Variants in PAM observed in about 807,000 individuals in gnomAD.
PAM encodes peptidyl-glycine alpha-amidating monooxygenase.
A neutral mutation model predicts 122.1 loss-of-function variants in PAM; 72 were observed. The observed-to-expected ratio is 0.59, with a 90% CI of 0.49 to 0.72. The LOEUF is 0.72. PAM is among the 30% of genes least tolerant of loss of function. The pLI, the probability that PAM is intolerant of heterozygous loss-of-function variation, is 0.00. For synonymous variants in PAM, 389 were observed against 404.4 expected, an observed-to-expected ratio of 0.96 and a Z score of 0.46; for missense variants, 1,106 against 1,183.7, an observed-to-expected ratio of 0.93 and a Z score of 0.96.
At chr5:102,806,610 G>C (rs1766299254) in intron 1 of PAM, among the ~76,000 whole-genome samples, 1 of 152,138 alleles carries the variant, frequency 6.6e-6, no homozygotes, top group Admixed American at 6.5e-5. Flanking sequence ...CACACACAGA[G>C]TTTTGTACTG....
At chr5:102,968,510 A>C (rs558331031) in intron 14 of PAM, among the ~76,000 whole-genome samples, 1 of 152,346 alleles carries the variant, frequency 6.6e-6, no homozygotes, top group African/African-American at 2.4e-5. Context: ...CTCTCAAGAA[A>C]TTTTAGCTGC....
At position 102,833,031 on chromosome 5, in the gene PAM, G is replaced by A. The variant is rs1242064685; in HGVS notation, c.-373-32792G>A. Among the ~76,000 whole-genome samples the A allele has an allele frequency of 3.9e-5, 6 of 152,118 alleles. No homozygotes were observed. In the East Asian group the frequency reaches 1.2e-3, roughly 29 times the overall value. On this transcript the variant is annotated intron_variant, in intron 1 of 25. Transcript: ENST00000438793. ...ATTAGAAAGATTAAAAGAAAAATAG[G>A]TTTAAAAATTGAGTAATTTGCCTGA...
In PAM at chr5:102,916,879, C is replaced by A. The variant is rs549456755; in HGVS notation, c.356+2858C>A. On this transcript the variant is annotated intron_variant, in intron 5 of 25. Transcript: ENST00000438793. ...TCCTCAGTAGTTGGGACTACAGGCG[C>A]GTGCCACCATGCCCAACTAATTTTT... Among the ~76,000 whole-genome samples the A allele has an allele frequency of 1.3e-5, 2 of 151,360 alleles. 1 individual carries two copies. The highest frequency in any genetic ancestry group is 4.2e-4 in the South Asian group (2 of 4,806).
At chr5:102,878,588 G>C (rs1424544518) in intron 3 of PAM, among the ~76,000 whole-genome samples, 1 of 152,166 alleles carries the variant, frequency 6.6e-6, no homozygotes, top group Non-Finnish European at 1.5e-5. Context: ...GGAGGTGACA[G>C]CTCCATGCAT....
intron 1 of PAM, among the ~76,000 whole-genome samples, chr5:102,855,970 G>A (rs892834316): frequency 5.3e-5 from 8 of 152,192 alleles, no homozygotes; most frequent in African/African-American, 1.4e-4. Flanking sequence ...ACCTAAATCA[G>A]TGGGTCAATC....
At chr5:102,827,367 G>T (rs1773959451) in intron 1 of PAM, among the ~76,000 whole-genome samples, 1 of 152,062 alleles carries the variant, frequency 6.6e-6, no homozygotes, top group Admixed American at 6.6e-5. Flanking sequence ...ACATTTTCTT[G>T]ATAAAGGATA....
chr5:102,951,282 C>T (rs1402443756), intron 12 of PAM, among the ~76,000 whole-genome samples: 6 of 151,874 alleles, frequency 4.0e-5, no homozygotes, highest in Admixed American at 6.6e-5. Context: ...TAATAATATG[C>T]AACACTTTAT....
intron 1 of PAM, among the ~76,000 whole-genome samples, chr5:102,781,467 C>A (rs1758922837): frequency 6.6e-6 from 1 of 152,150 alleles, no homozygotes; most frequent in Non-Finnish European, 1.5e-5. Context: ...CAGTGGGTAC[C>A]TTCTCATTTT....
At chr5:102,895,376 A>G (rs894632440) in intron 3 of PAM, among the ~76,000 whole-genome samples, 1 of 151,776 alleles carries the variant, frequency 6.6e-6, no homozygotes, top group African/African-American at 2.4e-5. Context: ...GGCAGAGACT[A>G]TGTATACTTT....
At chr5:102,931,676 G>C (rs1197846342) in intron 7 of PAM, among the ~76,000 whole-genome samples, 6 of 152,052 alleles carry the variant, frequency 3.9e-5, no homozygotes, top group Non-Finnish European at 8.8e-5. Flanking sequence ...TGAAGGTCAG[G>C]GTCTCTTCCC....
chr5:102,961,198 A>G lies in PAM; in HGVS notation c.1131A>G (p.Pro377=), dbSNP rs757142063. Residue 377 remains proline, a synonymous_variant, in exon 14 of 26, where the codon CCA becomes CCG. Transcript: ENST00000438793. ...YKDKIPLLQQ[P]KREEEEVLDQ... ...ATAAGATTCCTTTACTACAGCAGCC[A>G]AAACGAGAAGAAGAAGAAGTGTTAG... is the stretch of plus-strand genomic sequence containing the variant. 3 of 1,582,024 alleles carry G rather than the reference A, an allele frequency of 1.9e-6. No individual in the cohort carries two copies. Among genetic ancestry groups the G allele is most frequent in the Admixed American group, 1.7e-5 (1 of 59,824 alleles).
At chr5:103,012,943 T>C (rs1009272055) in intron 21 of PAM, among the ~76,000 whole-genome samples, 11 of 152,194 alleles carry the variant, frequency 7.2e-5, no homozygotes, top group Admixed American at 6.5e-5. Context: ...TGTGTCTGTT[T>C]TTATGGCAGT....
At position 102,859,757 on chromosome 5, in the gene PAM, C is replaced by T. The variant is rs548477168; in HGVS notation, c.-373-6066C>T. The stretch of plus-strand genomic sequence containing the variant: ...GTCCTGAAGCTCCATTTATAAGTGC[C>T]GTATACAAATGTACCATTTCTTATC... On this transcript the variant is annotated intron_variant, in intron 1 of 25. Coordinates refer to ENST00000438793, the MANE Select transcript of PAM (RefSeq NM_001177306.2). Among the ~76,000 whole-genome samples, 55 of 152,198 alleles carry T rather than the reference C, an allele frequency of 3.6e-4. No homozygotes were observed. The South Asian group carries it at 0.011, about 30-fold the overall frequency.
chr5:103,019,658 T>G (rs1294779876), intron 22 of PAM, 132 bp from the exon 23 acceptor site: 1 of 668,784 alleles, frequency 1.5e-6, no homozygotes, highest in African/African-American at 1.8e-5. Flanking sequence ...ATTGAACTCT[T>G]TCCTAATATA....
chr5:103,025,047 A>C, intron 23 of PAM, 84 bp from the exon 24 acceptor site: 2 of 899,470 alleles, frequency 2.2e-6, no homozygotes, highest in Non-Finnish European at 3.5e-6. Flanking sequence ...GTGAACAGTT[A>C]TTGATTTGAC....
intron 1 of PAM, chr5:102,864,672 C>T (rs576323470): frequency 1.3e-5 from 2 of 152,270 alleles, no homozygotes; most frequent in South Asian, 4.1e-4. Flanking sequence ...TACTGTGAAA[C>T]ATTCCGATAT....
chr5:102,993,663 A>G (rs562028829), intron 16 of PAM, among the ~76,000 whole-genome samples: 1 of 152,266 alleles, frequency 6.6e-6, no homozygotes, highest in Admixed American at 6.5e-5. Context: ...ACTTCAAGGA[A>G]TATAGTAGCC....
chr5:102,800,419 T>C (rs1415742058), intron 1 of PAM, among the ~76,000 whole-genome samples: 2 of 152,202 alleles, frequency 1.3e-5, no homozygotes, highest in Non-Finnish European at 2.9e-5. Flanking sequence ...CCTCTCACTC[T>C]AAAATACAAG....
At chr5:102,834,869 C>T (rs1056951737) in intron 1 of PAM, among the ~76,000 whole-genome samples, 5 of 149,024 alleles carry the variant, frequency 3.4e-5, no homozygotes, top group South Asian at 2.1e-4. Context: ...AAGGTACCAA[C>T]GGCAAATCAG....
Sources: gnomAD v4.1 joint callset for allele counts (sites outside exome capture counted in the v4.1 genomes callset) on GRCh38, gnomAD v4.1.1 for gene constraint, MANE v1.5 for transcripts, NCBI Gene and HGNC (gene_info 2026-07-23, HGNC 2026-07-21) for gene names.